PIK3C2B: variants seen among roughly 807,000 people sequenced by gnomAD.
PIK3C2B encodes the protein phosphatidylinositol 4-phosphate 3-kinase C2 domain-containing subunit beta.
A neutral mutation model predicts 184.3 loss-of-function variants in PIK3C2B; 83 were observed. The observed-to-expected ratio is 0.45, with a 90% CI of 0.38 to 0.54. The LOEUF (loss-of-function observed/expected upper bound fraction) is 0.54, where lower values mean the gene tolerates loss of function less well. Among genes scored for constraint, PIK3C2B ranks in the 20% least tolerant of loss-of-function variants. PIK3C2B has a pLI of 0.00. For synonymous variants in PIK3C2B, 779 were observed against 837.6 expected (o/e 0.93, Z 1.21); for missense variants, 1,736 against 2,113.5 (o/e 0.82, Z 3.50).
intron 12 of PIK3C2B, among the ~76,000 whole-genome samples, chr1:204,451,061 C>T (rs976961193): frequency 1.3e-5 from 2 of 152,268 alleles, no homozygotes; most frequent in African/African-American, 4.8e-5. Flanking sequence ...CCACCACAGA[C>T]TGGCAGAGCC....
rs946062047 is a variant in PIK3C2B, at chr1:204,430,711, C to T, written c.4281-673G>A. Among the ~76,000 whole-genome samples the T allele has an allele frequency of 6.0e-4, 90 of 148,958 alleles. 1 individual carries two copies. Among genetic ancestry groups the T allele is most frequent in the Middle Eastern group, 3.9e-3 (1 of 254 alleles). On this transcript the variant is annotated intron_variant, in intron 28 of 32. Transcript: ENST00000684373. ...TCTCGCTTTGCCGCCCAGGCTGGAGCGCAGTCACGTGATCTCAGCTCACTG... is the reference window on the plus strand; with the variant it reads ...TCTCGCTTTGCCGCCCAGGCTGGAGTGCAGTCACGTGATCTCAGCTCACTG...
At chr1:204,473,413 G>A (rs1656448510) in intron 1 of PIK3C2B, among the ~76,000 whole-genome samples, 1 of 152,246 alleles carries the variant, frequency 6.6e-6, no homozygotes, top group Non-Finnish European at 1.5e-5. Context: ...CAGTGGGTAT[G>A]AGGGAGTCTT....
intron 16 of PIK3C2B, among the ~76,000 whole-genome samples, chr1:204,444,668 T>C (rs61763410): frequency 1.8e-3 from 269 of 152,340 alleles, no homozygotes; most frequent in Non-Finnish European, 3.3e-3. Context: ...CCACTCTCAC[T>C]CCTTGGAGGA....
At position 204,457,851 on chromosome 1, in the gene PIK3C2B, G is replaced by A. The variant is rs1655000843; in HGVS notation, c.1590C>T (p.Asp530=). The A allele has an allele frequency of 1.2e-6, 2 of 1,613,108 alleles. No individual in the cohort carries two copies. Among genetic ancestry groups the A allele is most frequent in the Non-Finnish European group, 1.7e-6 (2 of 1,179,712 alleles). Residue 530 remains aspartate (D), a synonymous_variant, in exon 9 of 33, where the codon GAC becomes GAT. Coordinates refer to ENST00000684373, the MANE Select transcript of PIK3C2B (RefSeq NM_001377334.1). The part of the protein sequence containing the change: ...LADGDFPLKA[D]RVVQSVKAIC... ...TGGCCTTGACGGACTGGACCACCCTGTCAGCCTTCAGTGGGAAGTCTCCCT... is the reference window on the plus strand; with the variant it reads ...TGGCCTTGACGGACTGGACCACCCTATCAGCCTTCAGTGGGAAGTCTCCCT...
intron 1 of PIK3C2B, among the ~76,000 whole-genome samples, chr1:204,486,167 G>T (rs924677049): frequency 6.6e-6 from 1 of 151,476 alleles, no homozygotes; most frequent in Non-Finnish European, 1.5e-5. Flanking sequence ...AGGTCGAGGC[G>T]GGCGGATCAC....
chr1:204,454,481 CAAAAAAAAA>C, intron 12 of PIK3C2B, 179 bp downstream of exon 12: 1 of 255,434 alleles, frequency 3.9e-6, no homozygotes. Context: ...GGCTGCCTCT[CAAAAAAAAA>C]AAAAAAAAAA....
intron 1 of PIK3C2B, among the ~76,000 whole-genome samples, chr1:204,475,380 A>AT (rs1199268911): frequency 2.0e-5 from 3 of 150,604 alleles, no homozygotes; most frequent in East Asian, 3.9e-4. Flanking sequence ...TTTATTCAAA[A>AT]TTGACATGTT....
intron 1 of PIK3C2B, among the ~76,000 whole-genome samples, chr1:204,492,594 T>C (rs1398571497): frequency 6.6e-6 from 1 of 152,042 alleles, no homozygotes; most frequent in Non-Finnish European, 1.5e-5. Context: ...CACGAGGGTA[T>C]AGAGTATCTG....
At chr1:204,450,174 G>A (rs976688695) in intron 12 of PIK3C2B, 157 bp from the exon 13 acceptor site, 5 of 610,266 alleles carry the variant, frequency 8.2e-6, no homozygotes, top group Admixed American at 6.5e-5. Context: ...GCAGAACCAG[G>A]AGAGGTCCCA....
At chr1:204,446,504 C>A (rs1213014404) in intron 15 of PIK3C2B, among the ~76,000 whole-genome samples, 1 of 152,198 alleles carries the variant, frequency 6.6e-6, no homozygotes, top group African/African-American at 2.4e-5. Flanking sequence ...GCCAAGGGCA[C>A]CGAATCTGCT....
intron 1 of PIK3C2B, chr1:204,489,742 T>G (rs1293863817): frequency 5.1e-6 from 2 of 394,088 alleles, no homozygotes; most frequent in Non-Finnish European, 8.9e-6. Context: ...GAGACGTCAA[T>G]AGTTGAAGGG....
At position 204,433,489 on chromosome 1, in the gene PIK3C2B, T is replaced by C. The variant is rs983222310; in HGVS notation, c.3844-64A>G. 2 of 1,076,380 alleles carry C rather than the reference T, an allele frequency of 1.9e-6. No individual in the cohort carries two copies. The highest frequency in any genetic ancestry group is 1.6e-5 in the African/African-American group (1 of 64,192). The allele number at this position is 1,076,380 out of a possible 1,614,324, so 66.7% of individuals were successfully genotyped here. Reference sequence around the variant, plus strand: ...CAACAGAGAATTCTTGCTGCTTCTCTACCCTTAGGCAAGGTTTTCTACAGC... The same window carrying C: ...CAACAGAGAATTCTTGCTGCTTCTCCACCCTTAGGCAAGGTTTTCTACAGC... On this transcript the variant is annotated intron_variant, in intron 25 of 32. Coordinates refer to ENST00000684373, the MANE Select transcript of PIK3C2B (RefSeq NM_001377334.1). The surrounding 1 kb of genome is among the most constrained non-coding windows in gnomAD (Gnocchi z 5.0).
In PIK3C2B at chr1:204,460,371, G is replaced by A; in HGVS notation, c.1455C>T (p.Asn485=). The part of the protein sequence containing the change: ...VNDDQSPSTL[N]YLVHLQERPV... ...GCCTCTCTTGGAGATGGACGAGGTA[G>A]TTCAAGGTGGAGGGGCTCTGGTCAT... Residue 485 remains asparagine, a synonymous_variant, in exon 7 of 33, where the codon AAC becomes AAT. Coordinates refer to ENST00000684373, the MANE Select transcript of PIK3C2B (RefSeq NM_001377334.1). 6.2e-7 allele frequency: 1 copy of A among 1,614,014 alleles called. No homozygotes were observed. The highest frequency in any genetic ancestry group is 8.5e-7 in the Non-Finnish European group (1 of 1,179,908).
In PIK3C2B at chr1:204,465,281, C is replaced by T. The variant is rs1326681765; in HGVS notation, c.972G>A (p.Glu324=). 12 of 1,605,178 alleles carry T rather than the reference C, an allele frequency of 7.5e-6. No homozygotes were observed. The South Asian group carries it at 9.9e-5, about 13-fold the overall frequency. Residue 324 remains glutamate, a synonymous_variant, in exon 3 of 33, where the codon GAG becomes GAA. Transcript: ENST00000684373. ...SRPHTVANGH[E]LFEVSEERDE... is the part of the protein sequence containing the mutation. The stretch of plus-strand genomic sequence containing the variant: ...CTCTCTCTTCTGAGACCTCAAACAA[C>T]TCATGGCCATTGGCAACAGTGTGGG...
intron 5 of PIK3C2B, among the ~76,000 whole-genome samples, chr1:204,462,870 A>G (rs1655445796): frequency 6.6e-6 from 1 of 152,230 alleles, no homozygotes; most frequent in Non-Finnish European, 1.5e-5. Flanking sequence ...CCTGGCCAAC[A>G]TGGTGAAACC....
Position 204,446,032 on chromosome 1 carries a change from G to T in PIK3C2B, c.2602C>A (p.Leu868Met). 1.9e-6 allele frequency: 3 copies of T among 1,604,572 alleles called. No homozygotes were observed. Among genetic ancestry groups the T allele is most frequent in the Non-Finnish European group, 2.6e-6 (3 of 1,173,524 alleles). ...TTCAGGAGAACATAGATGTCAGGCAGGCAAGCCCACTCCCAGCTGGGGGCG... is the reference window on the plus strand; with the variant it reads ...TTCAGGAGAACATAGATGTCAGGCATGCAAGCCCACTCCCAGCTGGGGGCG... ...ASAPSWEWAC[L>M]PDIYVLLKQW... is the part of the protein sequence containing the mutation. The change falls in exon 16 of 33, where the codon CTG (leucine) becomes ATG (methionine). Residue 868 changes from leucine to methionine, a missense_variant. By Grantham distance (15) the Leu-to-Met change is conservative. Transcript: ENST00000684373.
chr1:204,479,212 C>T (rs1189465215), intron 1 of PIK3C2B, among the ~76,000 whole-genome samples: 1 of 152,160 alleles, frequency 6.6e-6, no homozygotes, highest in African/African-American at 2.4e-5. Flanking sequence ...ATCCCAGGAG[C>T]CAGAGCAGCC....
chr1:204,485,192 G>T (rs1268629706), intron 1 of PIK3C2B, among the ~76,000 whole-genome samples: 1 of 152,056 alleles, frequency 6.6e-6, no homozygotes, highest in Non-Finnish European at 1.5e-5. Context: ...GGAATTACAG[G>T]GGTAAGCCAC....
intron 1 of PIK3C2B, among the ~76,000 whole-genome samples, chr1:204,493,835 C>T (rs770330410): frequency 1.3e-5 from 2 of 152,186 alleles, no homozygotes; most frequent in Non-Finnish European, 2.9e-5. Flanking sequence ...TTCAAGCTTT[C>T]AGTCTCCTTT....
Sources: gnomAD v4.1 joint callset for allele counts (sites outside exome capture counted in the v4.1 genomes callset) on GRCh38, gnomAD v4.1.1 for gene constraint, Gnocchi (gnomAD v3.1) non-coding constraint, MANE v1.5 for transcripts, NCBI Gene and HGNC (gene_info 2026-07-23, HGNC 2026-07-21) for gene names.